Variants in FBXO38 observed in about 807,000 individuals in gnomAD.
FBXO38 encodes the protein F-box only protein 38.
A neutral mutation model predicts 131.9 loss-of-function variants in FBXO38; 53 were observed. The ratio of observed to expected loss-of-function variants is 0.40; its 90% CI spans 0.32 to 0.51. The LOEUF (loss-of-function observed/expected upper bound fraction) is 0.51. Ranked by LOEUF, FBXO38 falls within the 20% of genes least tolerant of loss-of-function variation. The pLI, the probability that FBXO38 is intolerant of heterozygous loss-of-function variation, is 0.53. For missense variants in FBXO38, 1,076 were observed against 1,475.6 expected (o/e 0.73, Z 4.44); for synonymous variants, 452 against 505.6 (o/e 0.89, Z 1.42).
chr5:148,415,836 G>A (rs1259864997), intron 10 of FBXO38, 92 bp from the exon 11 acceptor site: 54 of 1,317,718 alleles, frequency 4.1e-5, no homozygotes, highest in Non-Finnish European at 5.8e-5. Context: ...TAAAAAAAAG[G>A]ATTTGAAAGT....
chr5:148,421,576 C>A (rs1753436293), intron 12 of FBXO38, among the ~76,000 whole-genome samples: 1 of 151,810 alleles, frequency 6.6e-6, no homozygotes, highest in Non-Finnish European at 1.5e-5. Context: ...TTCAGCTAAA[C>A]AAAACATTTG....
At chr5:148,417,916 C>G (rs975231531) in intron 12 of FBXO38, among the ~76,000 whole-genome samples, 19 of 152,266 alleles carry the variant, frequency 1.2e-4, no homozygotes, top group Admixed American at 8.5e-4. Context: ...TTTGCCTACT[C>G]TTGCACACAG....
intron 5 of FBXO38, 123 bp from the exon 6 acceptor site, chr5:148,404,562 C>A (rs760576813): frequency 6.3e-6 from 5 of 797,092 alleles, no homozygotes; most frequent in Non-Finnish European, 9.0e-6. Context: ...ATAATTTGTT[C>A]GGATAAAAAT....
chr5:148,397,234 G>T (rs1002848493), intron 2 of FBXO38, among the ~76,000 whole-genome samples: 12 of 152,194 alleles, frequency 7.9e-5, no homozygotes, highest in African/African-American at 2.9e-4. Context: ...TGCTGTCCCT[G>T]CTATGCTCTC....
intron 2 of FBXO38, among the ~76,000 whole-genome samples, chr5:148,398,602 T>C (rs1317618318): frequency 2.0e-5 from 3 of 152,106 alleles, no homozygotes; most frequent in Admixed American, 6.5e-5. Flanking sequence ...CGAAATAATA[T>C]TGTGCATGTT....
chr5:148,426,058 T>A lies in FBXO38; in HGVS notation c.1918+357T>A, dbSNP rs895728450. On this transcript the variant is annotated intron_variant, in intron 14 of 21. Coordinates refer to ENST00000340253, the MANE Select transcript of FBXO38 (RefSeq NM_205836.3). ...TGAAAAGCAACCATTCCCCAGTTGA[T>A]AATCTGTCCAGTTGTGCTTAATGAA... 9.2e-5 allele frequency among the ~76,000 whole-genome samples: 14 copies of A among 152,322 alleles called. No individual in the cohort carries two copies. The East Asian group carries it at 2.1e-3, about 23-fold the overall frequency.
intron 1 of FBXO38, among the ~76,000 whole-genome samples, 153 bp from the exon 2 acceptor site, chr5:148,394,561 T>C (rs560882340): frequency 3.5e-4 from 53 of 152,138 alleles, no homozygotes; most frequent in Non-Finnish European, 7.2e-4. Flanking sequence ...CTGTGCTTTT[T>C]GCACAGAACA....
rs146431722 is a variant in FBXO38, at chr5:148,440,109, TATC to T, written c.3171-310_3171-308del. Among the ~76,000 whole-genome samples, 415 of 152,358 alleles carry T rather than the reference TATC, an allele frequency of 2.7e-3. 2 individuals are homozygous for T. The highest frequency in any genetic ancestry group is 9.3e-3 in the African/African-American group (385 of 41,594). On this transcript the variant is annotated intron_variant, in intron 19 of 21. Coordinates refer to ENST00000340253, the MANE Select transcript of FBXO38 (RefSeq NM_205836.3). ...AAGATCTTAAGACTATGATATTCTATATCATCAGAAAATTTGACTTTTATAAAT... is the reference window on the plus strand; with the variant it reads ...AAGATCTTAAGACTATGATATTCTATATCAGAAAATTTGACTTTTATAAAT...
At position 148,409,146 on chromosome 5, in the gene FBXO38, T is replaced by C; in HGVS notation, c.891T>C (p.Thr297=). ...WRSGGFRNLH[T]IVLGACKNAL... ...TAGGTGGTTTTAGAAATTTGCACAC[T>C]ATTGTTCTGGGAGCTTGCAAAAATG... Residue 297 remains threonine, a synonymous_variant, in exon 8 of 22, where the codon ACT becomes ACC. Transcript: ENST00000340253. 1 of 1,612,758 alleles carries C rather than the reference T, an allele frequency of 6.2e-7. No individual in the cohort carries two copies. The highest frequency in any genetic ancestry group is 8.5e-7 in the Non-Finnish European group (1 of 1,178,846).
At chr5:148,392,581 T>TTGTGTGTGTGTGTGTGTGTGTGTG (rs55667300) in intron 1 of FBXO38, among the ~76,000 whole-genome samples, 1 of 141,856 alleles carries the variant, frequency 7.0e-6, no homozygotes, top group African/African-American at 2.7e-5. Flanking sequence ...TTGCTTTTCT[T>TTGTGTGTGTGTGTGTGTGTGTGTG]TGTGTGTGTG....
chr5:148,441,819 A>C, intron 21 of FBXO38, 150 bp from the exon 22 acceptor site: 1 of 538,432 alleles, frequency 1.9e-6, no homozygotes, highest in Non-Finnish European at 3.1e-6. Flanking sequence ...ACATAAGAAC[A>C]AACTGGTGGT....
intron 9 of FBXO38, among the ~76,000 whole-genome samples, chr5:148,411,930 C>G (rs1329260194): frequency 6.6e-6 from 1 of 152,042 alleles, no homozygotes; most frequent in Non-Finnish European, 1.5e-5. Flanking sequence ...GATATTCTTT[C>G]TATAATTTTG....
Position 148,425,623 on chromosome 5 carries a change from ATTCCTAAGAACGGTACTCG to A in FBXO38, c.1841_1859del (p.Ile614SerfsTer21). 6.2e-7 allele frequency: 1 copy of A among 1,614,024 alleles called. No homozygotes were observed. On this transcript the variant is annotated frameshift_variant, in exon 14 of 22. Coordinates refer to ENST00000340253, the MANE Select transcript of FBXO38 (RefSeq NM_205836.3). LOFTEE classifies it high-confidence loss of function. ...TAGTCTAGAACTCCAAGAAGTCTGG[ATTCCTAAGAACGGTACTCG>A]GCGTTACTCTGAACGTGAAGAAAAA...
chr5:148,393,526 A>G (rs1758323253), intron 1 of FBXO38, among the ~76,000 whole-genome samples: 1 of 151,998 alleles, frequency 6.6e-6, no homozygotes, highest in Non-Finnish European at 1.5e-5. Flanking sequence ...CCCTCAGGAG[A>G]ACCATTAGTG....
Position 148,410,891 on chromosome 5 carries a change from C to T in FBXO38, c.1093+126C>T, listed in dbSNP as rs377312116. The T allele has an allele frequency of 5.0e-4, 404 of 801,190 alleles. 3 individuals are homozygous for T. The South Asian group carries it at 7.4e-3, about 15-fold the overall frequency. The allele number at this position is 801,190 out of a possible 1,614,324, so 49.6% of individuals were successfully genotyped here. On this transcript the variant is annotated intron_variant, in intron 9 of 21. Coordinates refer to ENST00000340253, the MANE Select transcript of FBXO38 (RefSeq NM_205836.3). ...CAACTTAAAATCTTAGGTGCTCTCACGTCTTGAAAAATAAACTTTTAAATT... is the reference window on the plus strand; with the variant it reads ...CAACTTAAAATCTTAGGTGCTCTCATGTCTTGAAAAATAAACTTTTAAATT...
chr5:148,420,341 G>C (rs1205728686), intron 12 of FBXO38, among the ~76,000 whole-genome samples: 1 of 151,936 alleles, frequency 6.6e-6, no homozygotes, highest in African/African-American at 2.4e-5. Flanking sequence ...CGCCCAGTCT[G>C]GTCTCAAACT....
Position 148,402,009 on chromosome 5 carries a change from T to C in FBXO38, c.290T>C (p.Leu97Pro). 6.2e-7 allele frequency: 1 copy of C among 1,612,712 alleles called. No homozygotes were observed. The highest frequency in any genetic ancestry group is 8.5e-7 in the Non-Finnish European group (1 of 1,178,984). ...TTTACAGATGCCAGTTTTCTAACACTATTAAAGAAGATGCCAGATGTTGAA... is the reference window on the plus strand; with the variant it reads ...TTTACAGATGCCAGTTTTCTAACACCATTAAAGAAGATGCCAGATGTTGAA... ...SGFTDASFLT[L>P]LKKMPDVEQL... is the part of the protein sequence containing the mutation. The change falls in exon 4 of 22, where the codon CTA becomes CCA. Residue 97 changes from leucine to proline, a missense_variant. By Grantham distance (98) the Leu-to-Pro change is moderately conservative. Coordinates refer to ENST00000340253, the MANE Select transcript of FBXO38 (RefSeq NM_205836.3).
chr5:148,407,409 C>T (rs1438946491), intron 7 of FBXO38, among the ~76,000 whole-genome samples: 1 of 152,038 alleles, frequency 6.6e-6, no homozygotes, highest in African/African-American at 2.4e-5. Flanking sequence ...CAACATACCT[C>T]ACACAAAAAT....
At chr5:148,413,915 G>T in intron 9 of FBXO38, 2 of 384,762 alleles carry the variant, frequency 5.2e-6, no homozygotes, top group South Asian at 9.1e-5. Flanking sequence ...TTTCCTACTA[G>T]CTGTCCCTTG....
Sources: gnomAD v4.1 joint callset for allele counts (sites outside exome capture counted in the v4.1 genomes callset) on GRCh38, gnomAD v4.1.1 for gene constraint, MANE v1.5 for transcripts, NCBI Gene and HGNC (gene_info 2026-07-23, HGNC 2026-07-21) for gene names.